SPATA6: variants seen among roughly 807,000 people sequenced by gnomAD.
SPATA6 encodes spermatogenesis associated 6, also known as spermatogenesis-associated protein 6.
In SPATA6, 56 loss-of-function variants were observed where a neutral mutation model predicts 65.3. The observed-to-expected ratio is 0.86, with a 90% CI of 0.69 to 1.07. The LOEUF is 1.07. SPATA6 is among the 50% of genes least tolerant of loss of function. SPATA6 has a pLI of 0.00. For missense variants in SPATA6, 590 were observed against 594.8 expected (o/e 0.99, Z 0.08); for synonymous variants, 199 against 213.2 (o/e 0.93, Z 0.58).
intron 3 of SPATA6, among the ~76,000 whole-genome samples, chr1:48,439,316 C>A (rs1185246106): frequency 6.6e-6 from 1 of 152,204 alleles, no homozygotes; most frequent in Non-Finnish European, 1.5e-5. Flanking sequence ...AGGAGGAAAA[C>A]TAGTGTTTCT....
At chr1:48,345,941 T>C (rs1449575823) in intron 11 of SPATA6, among the ~76,000 whole-genome samples, 1 of 152,116 alleles carries the variant, frequency 6.6e-6, no homozygotes, top group Non-Finnish European at 1.5e-5. Context: ...CTATTCTTAC[T>C]GAAACTATTC....
chr1:48,346,312 T>A (rs377182754), intron 11 of SPATA6, among the ~76,000 whole-genome samples: 40 of 152,164 alleles, frequency 2.6e-4, no homozygotes, highest in African/African-American at 9.1e-4. Flanking sequence ...AACTAAGCAT[T>A]AGAGGAACAT....
intron 11 of SPATA6, among the ~76,000 whole-genome samples, chr1:48,338,077 T>C (rs1048583667): frequency 1.9e-4 from 29 of 152,042 alleles, no homozygotes; most frequent in African/African-American, 7.0e-4. Context: ...TACAAACCTA[T>C]AGTAAATTGA....
chr1:48,343,567 G>A (rs1254855565), intron 11 of SPATA6, among the ~76,000 whole-genome samples: 1 of 152,086 alleles, frequency 6.6e-6, no homozygotes, highest in Non-Finnish European at 1.5e-5. Flanking sequence ...GAGATGGAGA[G>A]AATATGAATC....
At chr1:48,407,979 G>A (rs145034265) in intron 5 of SPATA6, among the ~76,000 whole-genome samples, 4 of 152,100 alleles carry the variant, frequency 2.6e-5, no homozygotes, top group Non-Finnish European at 5.9e-5. Context: ...TTTGTTCATT[G>A]TATGTTTCCA....
chr1:48,346,646 A>C (rs1448617937), intron 11 of SPATA6, among the ~76,000 whole-genome samples: 1 of 152,104 alleles, frequency 6.6e-6, no homozygotes, highest in Admixed American at 6.6e-5. Context: ...ATGTTCAAAA[A>C]TCACTAGCAT....
At chr1:48,372,044 C>T (rs917830424) in intron 9 of SPATA6, among the ~76,000 whole-genome samples, 2 of 152,118 alleles carry the variant, frequency 1.3e-5, no homozygotes, top group Non-Finnish European at 2.9e-5. Context: ...GGAACACAGC[C>T]AAACCATATC....
At chr1:48,335,139 C>A (rs1219847651) in intron 11 of SPATA6, among the ~76,000 whole-genome samples, 1 of 151,580 alleles carries the variant, frequency 6.6e-6, no homozygotes, top group Admixed American at 6.6e-5. Flanking sequence ...GAGATGACAC[C>A]AAAAAATGGA....
chr1:48,312,679 G>A (rs951241749), intron 11 of SPATA6, among the ~76,000 whole-genome samples: 1 of 152,074 alleles, frequency 6.6e-6, no homozygotes, highest in African/African-American at 2.4e-5. Flanking sequence ...CACCAGCAAC[G>A]GAACAAAGTG....
intron 11 of SPATA6, among the ~76,000 whole-genome samples, chr1:48,309,673 C>G (rs1396084448): frequency 1.3e-5 from 2 of 152,128 alleles, no homozygotes; most frequent in African/African-American, 2.4e-5. Context: ...ATTGTTTTCT[C>G]CATTTCCACT....
chr1:48,458,308 G>A (rs1365165824), intron 1 of SPATA6, among the ~76,000 whole-genome samples: 1 of 152,114 alleles, frequency 6.6e-6, no homozygotes, highest in African/African-American at 2.4e-5. Context: ...TTGGCAGAAT[G>A]GATTCAAAAC....
At chr1:48,368,192 T>C (rs1310101240) in intron 9 of SPATA6, among the ~76,000 whole-genome samples, 1 of 152,208 alleles carries the variant, frequency 6.6e-6, no homozygotes, top group African/African-American at 2.4e-5. Context: ...CTTCCCTCTG[T>C]GGGTAACCCG....
chr1:48,325,435 C>T, intron 11 of SPATA6: 4 of 1,273,308 alleles, frequency 3.1e-6, no homozygotes, highest in Non-Finnish European at 4.6e-6. Flanking sequence ...TTGACTGGGA[C>T]CACTGCAGTT....
chr1:48,446,342 G>C (rs149680358), intron 3 of SPATA6, among the ~76,000 whole-genome samples: 158 of 152,220 alleles, frequency 1.0e-3, no homozygotes, highest in African/African-American at 3.7e-3. Flanking sequence ...GGCTATTTAC[G>C]GGGAGGTATT....
At chr1:48,270,503 G>T in the SPATA6 span, among the ~76,000 whole-genome samples, 107 of 152,000 alleles carry the variant, frequency 7.0e-4, 2 homozygotes, top group Admixed American at 6.7e-3. Flanking sequence ...CTCATTTACT[G>T]GTTGTGTTTA....
intron 3 of SPATA6, among the ~76,000 whole-genome samples, chr1:48,429,962 T>C (rs190742626): frequency 4.9e-4 from 74 of 151,966 alleles, no homozygotes; most frequent in Admixed American, 4.8e-3. Flanking sequence ...AGAAAAATAA[T>C]TGAAGAAAAG....
rs188287996 is a variant in SPATA6 at position 48,361,917 on chromosome 1, T to C, written c.910-2147A>G. 9.6e-4 allele frequency among the ~76,000 whole-genome samples: 146 copies of C among 152,236 alleles called. 1 individual carries two copies. The highest frequency in any genetic ancestry group is 1.2e-3 in the African/African-American group (51 of 41,558). On this transcript the variant is annotated intron_variant, in intron 9 of 12. Coordinates refer to ENST00000371847, the MANE Select transcript of SPATA6 (RefSeq NM_019073.4). ...ATCATGCTTTCATTCCAGAACCTAA[T>C]AGAACATAGTTCAAATGACACAGTT...
chr1:48,263,419 A>G, the SPATA6 span, among the ~76,000 whole-genome samples: 1 of 152,300 alleles, frequency 6.6e-6, no homozygotes, highest in Non-Finnish European at 1.5e-5. Context: ...TTTCATTTAG[A>G]AGCCATATTT....
At chr1:48,331,073 ACAAT>A (rs2148729716) in intron 11 of SPATA6, among the ~76,000 whole-genome samples, 1 of 152,302 alleles carries the variant, frequency 6.6e-6, no homozygotes, top group South Asian at 2.1e-4. Context: ...AAAAAGCAAA[ACAAT>A]CCGTTCAAAG....
Sources: gnomAD v4.1 joint callset for allele counts (sites outside exome capture counted in the v4.1 genomes callset) on GRCh38, gnomAD v4.1.1 for gene constraint, MANE v1.5 for transcripts, NCBI Gene and HGNC (gene_info 2026-07-23, HGNC 2026-07-21) for gene names.